The following KCTD1 variants were observed in gnomAD, a reference collection of about 807,000 sequenced individuals.
KCTD1 encodes potassium channel tetramerization domain containing 1.
In KCTD1, 24 loss-of-function variants were observed where a neutral mutation model predicts 66.0. The observed-to-expected ratio is 0.36, with a 90% CI of 0.26 to 0.51. The LOEUF (loss-of-function observed/expected upper bound fraction) is 0.51, where lower values mean the gene tolerates loss of function less well. Ranked by LOEUF, KCTD1 falls within the 20% of genes least tolerant of loss-of-function variation. The pLI is 0.95. For synonymous variants in KCTD1, 511 were observed against 517.2 expected, an observed-to-expected ratio of 0.99 and a Z score of 0.16; for missense variants, 943 against 1,205.2, an observed-to-expected ratio of 0.78 and a Z score of 3.22.
chr18:26,643,378 G>A (rs905955963), upstream of KCTD1, among the ~76,000 whole-genome samples: 2 of 152,126 alleles, frequency 1.3e-5, no homozygotes, highest in African/African-American at 2.4e-5. Flanking sequence ...AAATTCGGGG[G>A]TACACAAAAA....
intron 2 of KCTD1, among the ~76,000 whole-genome samples, chr18:26,481,962 C>T (rs1981673528): frequency 6.6e-6 from 1 of 152,080 alleles, no homozygotes; most frequent in Non-Finnish European, 1.5e-5. Flanking sequence ...CAATTGAGAC[C>T]CTGTCATTCT....
intron 2 of KCTD1, among the ~76,000 whole-genome samples, chr18:26,492,605 C>A (rs1455092129): frequency 7.2e-6 from 1 of 138,546 alleles, no homozygotes; most frequent in Non-Finnish European, 1.6e-5. Flanking sequence ...GACACTGTCT[C>A]AATAAATAAA....
Position 26,546,887 on chromosome 18 carries a change from A to T in KCTD1, c.1650T>A (p.Thr550=). The part of the protein sequence containing the change: ...VFGSGEICGP[T]SPKRLCIRPS... ...GGCGGATACAAAGTCTTTTGGGGGA[A>T]GTGGGGCCGCAGATTTCCCCCGACC... Residue 550 remains threonine (T), a synonymous_variant, in exon 1 of 5, where the codon ACT becomes ACA. Coordinates refer to ENST00000580059, the MANE Select transcript of KCTD1 (RefSeq NM_001142730.3). 1 of 1,487,668 alleles carries T rather than the reference A, an allele frequency of 6.7e-7. No individual in the cohort carries two copies. Among genetic ancestry groups the T allele is most frequent in the Non-Finnish European group, 8.9e-7 (1 of 1,117,836 alleles). 92.2% of individuals were successfully genotyped at this position (1,487,668 alleles called of 1,614,324 possible). A position where few individuals can be genotyped will look rare whatever the true frequency, so the allele number is the denominator to read the frequency against.
chr18:26,475,429 G>A (rs546060752), intron 3 of KCTD1, among the ~76,000 whole-genome samples: 1 of 152,280 alleles, frequency 6.6e-6, no homozygotes, highest in South Asian at 2.1e-4. Flanking sequence ...TTACACTTGT[G>A]TGTAGAGATC....
chr18:26,610,669 G>T (rs1987117765), intron 1 of KCTD1, among the ~76,000 whole-genome samples: 1 of 151,636 alleles, frequency 6.6e-6, no homozygotes, highest in African/African-American at 2.4e-5. Flanking sequence ...GAGCAAGAAA[G>T]AAAGAGAGAA....
chr18:26,618,730 A>G (rs1359105422), intron 1 of KCTD1, among the ~76,000 whole-genome samples: 2 of 152,234 alleles, frequency 1.3e-5, no homozygotes, highest in African/African-American at 2.4e-5. Flanking sequence ...TTCTACTGAT[A>G]CTTGAAAAAT....
chr18:26,497,991 T>C, intron 2 of KCTD1, among the ~76,000 whole-genome samples: 1 of 152,320 alleles, frequency 6.6e-6, no homozygotes, highest in East Asian at 1.9e-4. Flanking sequence ...AAACAATTCC[T>C]GGGTTTGGCA....
At chr18:26,592,886 T>A (rs753722651) in intron 1 of KCTD1, among the ~76,000 whole-genome samples, 3 of 152,186 alleles carry the variant, frequency 2.0e-5, no homozygotes, top group Non-Finnish European at 4.4e-5. Context: ...AAATTATATT[T>A]CTGAGCCTTA....
chr18:26,484,844 G>C (rs1981834405), intron 2 of KCTD1, among the ~76,000 whole-genome samples: 1 of 152,144 alleles, frequency 6.6e-6, no homozygotes, highest in South Asian at 2.1e-4. Flanking sequence ...AGGGCACAGG[G>C]GCTTGGAGAA....
intron 1 of KCTD1, among the ~76,000 whole-genome samples, chr18:26,587,782 G>A (rs1986503258): frequency 6.6e-6 from 1 of 152,208 alleles, no homozygotes; most frequent in African/African-American, 2.4e-5. Context: ...AATAGCAAGA[G>A]AACTAGAATT....
chr18:26,638,472 C>T (rs993379633), intron 1 of KCTD1, among the ~76,000 whole-genome samples: 8 of 152,220 alleles, frequency 5.3e-5, no homozygotes, highest in African/African-American at 1.4e-4. Context: ...TAGCAGCAGC[C>T]GCAGTGGAGG....
chr18:26,572,342 TCACTGC>T (rs778919713), intron 1 of KCTD1, among the ~76,000 whole-genome samples: 3 of 152,140 alleles, frequency 2.0e-5, no homozygotes, highest in Non-Finnish European at 2.9e-5. Context: ...CAGGTGTGAG[TCACTGC>T]TGGTTTTAAA....
intron 1 of KCTD1, among the ~76,000 whole-genome samples, chr18:26,572,295 T>A (rs1986128823): frequency 6.6e-6 from 1 of 152,184 alleles, no homozygotes; most frequent in African/African-American, 2.4e-5. Context: ...CCTGACCTCA[T>A]GATCCACCTG....
At chr18:26,579,041 T>C (rs1341980413) in intron 1 of KCTD1, among the ~76,000 whole-genome samples, 3 of 152,076 alleles carry the variant, frequency 2.0e-5, no homozygotes, top group Non-Finnish European at 4.4e-5. Flanking sequence ...TTTTTACCTG[T>C]TTTGTTTTTT....
intron 1 of KCTD1, among the ~76,000 whole-genome samples, chr18:26,647,143 T>G (rs1987938714): frequency 6.6e-6 from 1 of 152,176 alleles, no homozygotes; most frequent in South Asian, 2.1e-4. Flanking sequence ...TAGTGTGACT[T>G]ATACAACCTT....
intron 1 of KCTD1, among the ~76,000 whole-genome samples, chr18:26,570,503 G>A (rs1261672072): frequency 5.3e-5 from 8 of 152,064 alleles, no homozygotes; most frequent in Non-Finnish European, 7.4e-5. Flanking sequence ...CGACCTCCAG[G>A]GCTCAAGCTA....
chr18:26,511,979 C>T (rs1983357100), intron 1 of KCTD1, among the ~76,000 whole-genome samples: 1 of 152,190 alleles, frequency 6.6e-6, no homozygotes, highest in South Asian at 2.1e-4. Flanking sequence ...CAGGACACAT[C>T]GGCCTCTAAA....
chr18:26,513,247 C>T (rs567086294), intron 1 of KCTD1, among the ~76,000 whole-genome samples: 53 of 152,074 alleles, frequency 3.5e-4, no homozygotes, highest in Admixed American at 3.3e-3. Context: ...GCAACCACGC[C>T]GGGCTAATTT....
intron 1 of KCTD1, among the ~76,000 whole-genome samples, chr18:26,540,407 C>T (rs1297805827): frequency 1.3e-5 from 2 of 152,162 alleles, no homozygotes; most frequent in South Asian, 2.1e-4. Context: ...CACTGCCAGT[C>T]GGGGGAAAGC....
Sources: allele counts gnomAD v4.1 joint callset (sites outside exome capture counted in the v4.1 genomes callset), GRCh38; gene constraint gnomAD v4.1.1; transcripts MANE v1.5; gene names NCBI Gene and HGNC (gene_info 2026-07-23, HGNC 2026-07-21).